Variants in ABAT observed in about 807,000 individuals in gnomAD.
ABAT encodes 4-aminobutyrate aminotransferase, mitochondrial.
In ABAT, 45 loss-of-function variants were observed where a neutral mutation model predicts 64.6. The ratio of observed to expected loss-of-function variants is 0.70; its 90% CI spans 0.55 to 0.89. The LOEUF (loss-of-function observed/expected upper bound fraction) is 0.89, where lower values mean the gene tolerates loss of function less well. Ranked by LOEUF, ABAT falls within the 40% of genes least tolerant of loss-of-function variation. The pLI, the probability that ABAT is intolerant of heterozygous loss-of-function variation, is 0.00. For synonymous variants in ABAT, 297 were observed against 250.5 expected (o/e 1.19, Z -1.75); for missense variants, 633 against 658.4 (o/e 0.96, Z 0.42).
rs923377504 is a variant in ABAT, at chr16:8,753,783, C to A, written c.316+3244C>A. Among the ~76,000 whole-genome samples, 6 of 152,238 alleles carry A rather than the reference C, an allele frequency of 3.9e-5. No individual in the cohort carries two copies. In the East Asian group the frequency reaches 1.2e-3, roughly 29 times the overall value. ...GGGAGTGCCAGGGATGAATGTTAAC[C>A]ACCTTGGTCCCCCTCCAAGGCTGTC... On this transcript the variant is annotated intron_variant, in intron 5 of 15. Transcript: ENST00000268251.
chr16:8,773,677 A>G (rs2060186631), intron 12 of ABAT, among the ~76,000 whole-genome samples: 1 of 152,162 alleles, frequency 6.6e-6, no homozygotes, highest in African/African-American at 2.4e-5. Flanking sequence ...GTACTTTTGT[A>G]TCCATTAACC....
At chr16:8,704,586 T>C (rs1050195647) in intron 1 of ABAT, among the ~76,000 whole-genome samples, 2 of 151,710 alleles carry the variant, frequency 1.3e-5, no homozygotes, top group African/African-American at 4.8e-5. Context: ...AGAAAACACA[T>C]GTCTTTCCAG....
At chr16:8,714,800 A>C (rs2058166145) in intron 1 of ABAT, 1 of 152,458 alleles carries the variant, frequency 6.6e-6, no homozygotes, top group Non-Finnish European at 1.5e-5. Context: ...AGCCGGAGAC[A>C]AGGACTGGCC....
chr16:8,766,900 C>G (rs952692313), intron 9 of ABAT, among the ~76,000 whole-genome samples: 1 of 149,078 alleles, frequency 6.7e-6, no homozygotes, highest in African/African-American at 2.5e-5. Context: ...ACCCGACGGG[C>G]GCGGAGGTTG....
At chr16:8,687,151 C>T (rs953172787) in intron 1 of ABAT, among the ~76,000 whole-genome samples, 1 of 152,128 alleles carries the variant, frequency 6.6e-6, no homozygotes, top group Admixed American at 6.5e-5. Context: ...GAGGTGGGGA[C>T]GCACATCTGG....
Position 8,772,922 on chromosome 16 carries a change from G to C in ABAT, c.954+5G>C. The C allele has an allele frequency of 5.6e-6, 9 of 1,613,534 alleles. No homozygotes were observed. The highest frequency in any genetic ancestry group is 6.8e-6 in the Non-Finnish European group (8 of 1,179,994). On this transcript the variant is annotated splice_donor_5th_base_variant and intron_variant, in intron 12 of 15. Coordinates refer to ENST00000268251, the MANE Select transcript of ABAT (RefSeq NM_020686.6). ...CTGAGAGACATCGCCAGGAAGGTCA[G>C]TGGACAGGGCCGAGGTTGGATGGAG...
intron 4 of ABAT, among the ~76,000 whole-genome samples, chr16:8,749,386 C>CCTTTTTTTTT (rs2059416157): frequency 3.1e-5 from 1 of 31,984 alleles, no homozygotes; most frequent in African/African-American, 1.1e-4. Context: ...CGCACCCGGC[C>CCTTTTTTTTT]TTTTTTTTTT....
At chr16:8,746,368 C>G (rs1274566053) in intron 3 of ABAT, among the ~76,000 whole-genome samples, 1 of 151,730 alleles carries the variant, frequency 6.6e-6, no homozygotes, top group East Asian at 2.0e-4. Flanking sequence ...GCCTGGCCAA[C>G]ATACTGAAAC....
intron 1 of ABAT, among the ~76,000 whole-genome samples, chr16:8,727,618 C>T (rs2058596587): frequency 6.6e-6 from 1 of 152,178 alleles, no homozygotes; most frequent in South Asian, 2.1e-4. Context: ...TTTTTATGTA[C>T]ATATCATGCT....
At chr16:8,774,236 G>T (rs897220973) in intron 12 of ABAT, among the ~76,000 whole-genome samples, 16 of 152,074 alleles carry the variant, frequency 1.1e-4, no homozygotes, top group African/African-American at 3.4e-4. Context: ...CTTGCCGAGT[G>T]TGTATATGTA....
At chr16:8,777,224 T>A (rs1299926) in intron 14 of ABAT, among the ~76,000 whole-genome samples, 132,762 of 152,010 alleles carry the variant, frequency 0.87, 59,073 homozygotes, top group East Asian at 0.99. Flanking sequence ...TTGACACCAA[T>A]TTCAGACATC....
At chr16:8,755,997 C>T (rs996474508) in intron 5 of ABAT, among the ~76,000 whole-genome samples, 21 of 151,880 alleles carry the variant, frequency 1.4e-4, no homozygotes, top group African/African-American at 3.1e-4. Context: ...TGCAGTGAGC[C>T]GAGATTGCTC....
intron 6 of ABAT, among the ~76,000 whole-genome samples, chr16:8,759,601 C>G (rs1336195679): frequency 6.6e-6 from 1 of 152,184 alleles, no homozygotes; most frequent in Non-Finnish European, 1.5e-5. Context: ...CAGCCTCGAC[C>G]TCCCAGGCTC....
At chr16:8,766,174 A>G in intron 8 of ABAT, 34 bp from the exon 9 acceptor site, 2 of 1,593,132 alleles carry the variant, frequency 1.3e-6, no homozygotes, top group African/African-American at 2.7e-5. Flanking sequence ...ACCCCAGAGC[A>G]TCTCTGAGAT....
intron 1 of ABAT, among the ~76,000 whole-genome samples, chr16:8,730,062 C>T (rs192097728): frequency 7.2e-5 from 11 of 152,256 alleles, no homozygotes; most frequent in African/African-American, 1.2e-4. Context: ...ACCTCAGTTG[C>T]CTGAAGACAG....
At chr16:8,704,980 C>CTG (rs1185904714) in intron 1 of ABAT, among the ~76,000 whole-genome samples, 3 of 152,208 alleles carry the variant, frequency 2.0e-5, no homozygotes, top group Non-Finnish European at 4.4e-5. Context: ...GACACTGTGC[C>CTG]TGTGGCTTTC....
chr16:8,711,726 A>ATGGATGGATGATGATTGGATGGATG (rs1489993719), intron 1 of ABAT, among the ~76,000 whole-genome samples: 12 of 94,724 alleles, frequency 1.3e-4, no homozygotes, highest in African/African-American at 4.8e-4. Flanking sequence ...ATGGATGGGA[A>ATGGATGGATGATGATTGGATGGATG]GATGGATGGG....
chr16:8,756,684 C>A (rs961758696), intron 5 of ABAT, among the ~76,000 whole-genome samples: 1 of 152,212 alleles, frequency 6.6e-6, no homozygotes, highest in African/African-American at 2.4e-5. Flanking sequence ...TATTCTAACT[C>A]AGCACAAATA....
chr16:8,707,353 A>ATTTTTTTTTTTTTT (rs386384172), intron 1 of ABAT, among the ~76,000 whole-genome samples: 7 of 123,948 alleles, frequency 5.6e-5, no homozygotes, highest in African/African-American at 1.7e-4. Flanking sequence ...TGCCAGGGTA[A>ATTTTTTTTTTTTTT]TTTTTTTTTT....
Sources: gnomAD v4.1 joint callset for allele counts (sites outside exome capture counted in the v4.1 genomes callset) on GRCh38, gnomAD v4.1.1 for gene constraint, MANE v1.5 for transcripts, NCBI Gene and HGNC (gene_info 2026-07-23, HGNC 2026-07-21) for gene names.